IARS2: variants seen among roughly 807,000 people sequenced by gnomAD.
IARS2 encodes isoleucyl-tRNA synthetase 2, mitochondrial.
A neutral mutation model predicts 126.3 loss-of-function variants in IARS2; 56 were observed. That is an observed-to-expected ratio of 0.44 (90% CI 0.36 to 0.55). IARS2 has a LOEUF of 0.55. IARS2 is among the 20% of genes least tolerant of loss of function. IARS2 has a pLI of 0.00. For missense variants in IARS2, 1,127 were observed against 1,245.9 expected, an observed-to-expected ratio of 0.90 and a Z score of 1.44; for synonymous variants, 407 against 441.1, an observed-to-expected ratio of 0.92 and a Z score of 0.97.
At chr1:220,134,751 A>T in intron 15 of IARS2, 2 of 281,732 alleles carry the variant, frequency 7.1e-6, no homozygotes, top group East Asian at 1.2e-4. Context: ...GAACTTATGT[A>T]GTTCTTTGTT....
Position 220,102,118 on chromosome 1 carries a change from C to T in IARS2, c.551-11C>T, listed in dbSNP as rs1558119614. The T allele has an allele frequency of 1.9e-6, 3 of 1,585,958 alleles. No individual in the cohort carries two copies. Among genetic ancestry groups the T allele is most frequent in the Admixed American group, 2.0e-5 (1 of 50,872 alleles). On this transcript the variant is annotated splice_polypyrimidine_tract_variant and intron_variant, in intron 3 of 22. Coordinates refer to ENST00000366922, the MANE Select transcript of IARS2 (RefSeq NM_018060.4). Reference sequence around the variant, plus strand: ...TGGTTTTTTAAAATCTTTTTTTCGTCTTTTTTTTAGCTAGATCATTTGCTA... The same window carrying T: ...TGGTTTTTTAAAATCTTTTTTTCGTTTTTTTTTTAGCTAGATCATTTGCTA...
intron 11 of IARS2, 99 bp from the exon 12 acceptor site, chr1:220,114,215 A>G (rs1238484363): frequency 9.2e-7 from 1 of 1,081,350 alleles, no homozygotes; most frequent in South Asian, 1.3e-5. Context: ...GTGAATGGCT[A>G]CAAACATCCA....
At chr1:220,096,857 TA>T (rs1459610194) in intron 2 of IARS2, among the ~76,000 whole-genome samples, 5 of 152,006 alleles carry the variant, frequency 3.3e-5, no homozygotes, top group Non-Finnish European at 5.9e-5. Flanking sequence ...CCATCCTGGC[TA>T]ACACGGTGAA....
chr1:220,104,937 C>T (rs1021902610), intron 8 of IARS2, among the ~76,000 whole-genome samples: 1 of 152,076 alleles, frequency 6.6e-6, no homozygotes, highest in Non-Finnish European at 1.5e-5. Context: ...GACTGCCTAG[C>T]TAAATAGGAA....
intron 1 of IARS2, among the ~76,000 whole-genome samples, 197 bp from the exon 2 acceptor site, chr1:220,095,907 T>G (rs1417335985): frequency 6.6e-6 from 1 of 152,200 alleles, no homozygotes; most frequent in Non-Finnish European, 1.5e-5. Flanking sequence ...GGGACATTAC[T>G]GAAAGATTTT....
chr1:220,115,223 T>C (rs1656890297), intron 12 of IARS2, among the ~76,000 whole-genome samples: 1 of 152,238 alleles, frequency 6.6e-6, no homozygotes, highest in African/African-American at 2.4e-5. Flanking sequence ...TCACTACACA[T>C]AGATCAGCCT....
intron 12 of IARS2, among the ~76,000 whole-genome samples, chr1:220,116,559 A>T (rs553141590): frequency 6.6e-6 from 1 of 152,202 alleles, no homozygotes; most frequent in South Asian, 2.1e-4. Flanking sequence ...TAGGAAAAGA[A>T]AGTAGAGGCT....
chr1:220,138,657 A>G (rs1477538417), intron 17 of IARS2, among the ~76,000 whole-genome samples: 5 of 151,888 alleles, frequency 3.3e-5, no homozygotes, highest in Non-Finnish European at 5.9e-5. Context: ...ACATTTTTCC[A>G]TGTATCTTTA....
chr1:220,146,540 G>A (rs1300878581), intron 22 of IARS2, among the ~76,000 whole-genome samples: 33 of 87,666 alleles, frequency 3.8e-4, no homozygotes, highest in Admixed American at 8.9e-4. Flanking sequence ...AAAAAAAAAA[G>A]CAGGTATCTT....
intron 11 of IARS2, among the ~76,000 whole-genome samples, chr1:220,112,886 G>A (rs1292658608): frequency 6.8e-6 from 1 of 147,908 alleles, no homozygotes; most frequent in African/African-American, 2.5e-5. Context: ...TTCTTGAGAT[G>A]GAGTTTCACT....
rs1427634327 is a variant in IARS2 at position 220,100,473 on chromosome 1, T to C, written c.391-17T>C. Reference sequence around the variant, plus strand: ...ATATTTTATGTATGAATGATAATTATCATTTTATCTTTGCAGATTTTGAAA... The same window carrying C: ...ATATTTTATGTATGAATGATAATTACCATTTTATCTTTGCAGATTTTGAAA... On this transcript the variant is annotated splice_polypyrimidine_tract_variant and intron_variant, in intron 2 of 22. Transcript: ENST00000366922. 1.3e-6 allele frequency: 2 copies of C among 1,576,686 alleles called. No homozygotes were observed. The highest frequency in any genetic ancestry group is 8.6e-7 in the Non-Finnish European group (1 of 1,157,338).
intron 12 of IARS2, among the ~76,000 whole-genome samples, chr1:220,114,960 G>A (rs1417498919): frequency 6.8e-6 from 1 of 147,572 alleles, no homozygotes; most frequent in Non-Finnish European, 1.5e-5. Context: ...TTTTTGAGTT[G>A]GAAAGGTAAT....
rs754889916 is a variant in IARS2 at position 220,102,409 on chromosome 1, C to T, written c.746C>T (p.Ser249Phe). ...AAACCTGTGTTTTGGTCTCCGTCAT[C>T]TAGGTATATATGCATTTTTCGGTAA... ...SYKPVFWSPS[S>F]RTALAEAELE... Residue 249 changes from serine to phenylalanine, a missense_variant, in exon 5 of 23, where the codon TCT becomes TTT. Coordinates refer to ENST00000366922, the MANE Select transcript of IARS2 (RefSeq NM_018060.4). The T allele has an allele frequency of 2.1e-5, 34 of 1,613,618 alleles. No homozygotes were observed. In the Admixed American group the frequency reaches 5.5e-4, roughly 26 times the overall value.
chr1:220,109,502 AC>A (rs1656754591), intron 10 of IARS2, among the ~76,000 whole-genome samples: 1 of 152,194 alleles, frequency 6.6e-6, no homozygotes, highest in East Asian at 1.9e-4. Context: ...TCAAAATAAT[AC>A]AAAAATTTAA....
intron 12 of IARS2, chr1:220,117,873 A>G (rs1414962831): frequency 1.9e-6 from 1 of 527,638 alleles, no homozygotes; most frequent in Non-Finnish European, 3.9e-6. Flanking sequence ...ACAGTCATAC[A>G]GAATATTGGC....
intron 12 of IARS2, among the ~76,000 whole-genome samples, chr1:220,117,686 GGTCA>G (rs1201537162): frequency 6.6e-6 from 1 of 152,050 alleles, no homozygotes; most frequent in African/African-American, 2.4e-5. Flanking sequence ...TAGGTTGACT[GGTCA>G]GTAAGTTAGG....
chr1:220,120,082 CTTT>C (rs1395868643), intron 12 of IARS2, among the ~76,000 whole-genome samples: 5 of 139,102 alleles, frequency 3.6e-5, no homozygotes, highest in Admixed American at 7.2e-5. Context: ...CTCTGTCACA[CTTT>C]TTTTTTTTTT....
chr1:220,117,137 T>G (rs1571852905), intron 12 of IARS2, among the ~76,000 whole-genome samples: 1 of 151,540 alleles, frequency 6.6e-6, no homozygotes, highest in East Asian at 1.9e-4. Context: ...CTGGAAAGTT[T>G]TTTTTTTTTT....
intron 17 of IARS2, among the ~76,000 whole-genome samples, chr1:220,138,405 A>ACCGC (rs945832294): frequency 6.6e-6 from 1 of 152,114 alleles, no homozygotes; most frequent in Admixed American, 6.6e-5. Context: ...CAGGAGGCGG[A>ACCGC]GGTTGCAGTG....
Sources: allele counts gnomAD v4.1 joint callset (sites outside exome capture counted in the v4.1 genomes callset), GRCh38; gene constraint gnomAD v4.1.1; transcripts MANE v1.5; gene names NCBI Gene and HGNC (gene_info 2026-07-23, HGNC 2026-07-21).